The following DEPDC1B variants were observed in gnomAD, a reference collection of about 807,000 sequenced individuals.
DEPDC1B encodes the protein DEP domain-containing protein 1B.
DEPDC1B carries 51 observed loss-of-function variants against 66.5 expected under a neutral mutation model. That is an observed-to-expected ratio of 0.77 (90% CI 0.61 to 0.97). DEPDC1B has a LOEUF of 0.97. Among genes scored for constraint, DEPDC1B ranks in the 50% least tolerant of loss-of-function variants. The probability of loss-of-function intolerance (pLI) is 0.00; values close to 1 mark genes in which losing one functional copy is unlikely to be tolerated. For missense variants in DEPDC1B, 552 were observed against 637.1 expected (o/e 0.87, Z 1.44); for synonymous variants, 226 against 223.6 (o/e 1.01, Z -0.10).
intron 7 of DEPDC1B, among the ~76,000 whole-genome samples, chr5:60,636,241 A>AT (rs1257207899): frequency 1.3e-5 from 2 of 152,148 alleles, no homozygotes; most frequent in Non-Finnish European, 2.9e-5. Flanking sequence ...AAATTAAATA[A>AT]TTTTTTTAAT....
chr5:60,696,443 G>A (rs1161488385), intron 1 of DEPDC1B, among the ~76,000 whole-genome samples: 2 of 152,098 alleles, frequency 1.3e-5, no homozygotes, highest in Non-Finnish European at 2.9e-5. Flanking sequence ...AAAGCCTACT[G>A]AGGTCACTTT....
intron 7 of DEPDC1B, among the ~76,000 whole-genome samples, chr5:60,621,094 A>G (rs552618476): frequency 1.3e-5 from 2 of 152,054 alleles, no homozygotes; most frequent in South Asian, 4.2e-4. Flanking sequence ...AACAATGAGA[A>G]CACATTGACA....
chr5:60,601,516 C>G (rs1321615290), intron 9 of DEPDC1B, among the ~76,000 whole-genome samples: 2 of 152,144 alleles, frequency 1.3e-5, no homozygotes, highest in African/African-American at 4.8e-5. Flanking sequence ...GGCCTTTGGC[C>G]AAGCAATGCT....
At position 60,638,892 on chromosome 5, in the gene DEPDC1B, T is replaced by C; in HGVS notation, c.758-2A>G. ...GCTTCAAATCAGAACAGTTGGGCCC[T>C]ATTTTCAAAAAGAGAGTGAAAGAGA... On this transcript the variant is annotated splice_acceptor_variant, in intron 6 of 10. Coordinates refer to ENST00000265036, the MANE Select transcript of DEPDC1B (RefSeq NM_018369.3). LOFTEE classifies it high-confidence loss of function. The C allele has an allele frequency of 2.5e-6, 4 of 1,603,972 alleles. No homozygotes were observed. The highest frequency in any genetic ancestry group is 3.4e-6 in the Non-Finnish European group (4 of 1,177,274).
At chr5:60,604,027 C>G (rs1342476652) in intron 8 of DEPDC1B, among the ~76,000 whole-genome samples, 1 of 151,486 alleles carries the variant, frequency 6.6e-6, no homozygotes, top group Non-Finnish European at 1.5e-5. Flanking sequence ...ATGCCTCAAC[C>G]ATTACATCTT....
At chr5:60,599,943 T>A (rs1029006493) in intron 9 of DEPDC1B, among the ~76,000 whole-genome samples, 21 of 151,396 alleles carry the variant, frequency 1.4e-4, no homozygotes, top group Non-Finnish European at 1.3e-4. Flanking sequence ...GTGTGTGTCT[T>A]TAATTCCTCT....
chr5:60,659,133 G>T (rs187378089), intron 2 of DEPDC1B, among the ~76,000 whole-genome samples: 26 of 152,138 alleles, frequency 1.7e-4, no homozygotes, highest in African/African-American at 5.8e-4. Flanking sequence ...ATGGCCCAAG[G>T]TTCCATTCCT....
intron 2 of DEPDC1B, among the ~76,000 whole-genome samples, chr5:60,673,377 C>T (rs1470771236): frequency 3.9e-5 from 6 of 152,178 alleles, no homozygotes; most frequent in Admixed American, 3.9e-4. Context: ...ACAACAGGAA[C>T]TCCATGATGC....
intron 2 of DEPDC1B, among the ~76,000 whole-genome samples, chr5:60,649,904 C>T (rs1753405234): frequency 6.6e-6 from 1 of 152,074 alleles, no homozygotes; most frequent in Non-Finnish European, 1.5e-5. Flanking sequence ...GTTTCAGCCT[C>T]CCAAGTAGCT....
intron 7 of DEPDC1B, among the ~76,000 whole-genome samples, chr5:60,622,295 T>C (rs938712427): frequency 1.3e-5 from 2 of 152,166 alleles, no homozygotes; most frequent in African/African-American, 4.8e-5. Context: ...TAGATTCCCC[T>C]TTCCTAGAAT....
At chr5:60,657,935 A>G (rs1753615249) in intron 2 of DEPDC1B, among the ~76,000 whole-genome samples, 1 of 152,128 alleles carries the variant, frequency 6.6e-6, no homozygotes, top group Non-Finnish European at 1.5e-5. Flanking sequence ...AATTACTCTT[A>G]GGTTTGGTCA....
At chr5:60,629,058 T>A (rs1752865244) in intron 7 of DEPDC1B, among the ~76,000 whole-genome samples, 1 of 152,120 alleles carries the variant, frequency 6.6e-6, no homozygotes, top group Non-Finnish European at 1.5e-5. Context: ...GCCGGCCCTG[T>A]CCTGGGGTAA....
chr5:60,630,339 G>A lies in DEPDC1B; in HGVS notation c.898+8411C>T, dbSNP rs1437006462. On this transcript the variant is annotated intron_variant, in intron 7 of 10. Coordinates refer to ENST00000265036, the MANE Select transcript of DEPDC1B (RefSeq NM_018369.3). ...GAGTAGGAGCTATCAGGAGATGTGC[G>A]CTCGGCACGGCTGCAAGGACCAACG... 3.3e-5 allele frequency among the ~76,000 whole-genome samples: 5 copies of A among 152,158 alleles called. No homozygotes were observed. The South Asian group carries it at 8.3e-4, about 25-fold the overall frequency.
At chr5:60,621,658 A>ATGTACCCTAGAACTTAAAG (rs1201158585) in intron 7 of DEPDC1B, among the ~76,000 whole-genome samples, 2 of 152,198 alleles carry the variant, frequency 1.3e-5, no homozygotes, top group African/African-American at 4.8e-5. Flanking sequence ...TGTTGTGCAC[A>ATGTACCCTAGAACTTAAAG]TGTACCCTAG....
At chr5:60,642,584 A>G (rs925824768) in intron 6 of DEPDC1B, among the ~76,000 whole-genome samples, 4 of 152,208 alleles carry the variant, frequency 2.6e-5, no homozygotes, top group African/African-American at 7.2e-5. Context: ...ACTAGTGTGG[A>G]TGGATCTACT....
intron 7 of DEPDC1B, among the ~76,000 whole-genome samples, chr5:60,619,273 T>C (rs1254548574): frequency 6.6e-6 from 1 of 152,226 alleles, no homozygotes; most frequent in Non-Finnish European, 1.5e-5. Flanking sequence ...AACATAGTGT[T>C]GGAAGTTCTT....
At chr5:60,652,826 C>G (rs375544030) in intron 2 of DEPDC1B, among the ~76,000 whole-genome samples, 7 of 149,226 alleles carry the variant, frequency 4.7e-5, no homozygotes, top group African/African-American at 1.8e-4. Context: ...CATAGCTTAG[C>G]TCCCACTTAT....
chr5:60,694,518 G>A (rs1428221505), intron 1 of DEPDC1B, among the ~76,000 whole-genome samples: 1 of 152,116 alleles, frequency 6.6e-6, no homozygotes, highest in Non-Finnish European at 1.5e-5. Context: ...CACCAACAAT[G>A]TGGGAGCCTA....
At chr5:60,638,121 C>A (rs528644298) in intron 7 of DEPDC1B, among the ~76,000 whole-genome samples, 1 of 152,104 alleles carries the variant, frequency 6.6e-6, no homozygotes, top group Non-Finnish European at 1.5e-5. Context: ...ACTTAATGAA[C>A]AATTACAAGA....
Sources: allele counts gnomAD v4.1 joint callset (sites outside exome capture counted in the v4.1 genomes callset), GRCh38; gene constraint gnomAD v4.1.1; transcripts MANE v1.5; gene names NCBI Gene and HGNC (gene_info 2026-07-23, HGNC 2026-07-21).